ZMYND8: variants seen among roughly 807,000 people sequenced by gnomAD.
ZMYND8 encodes the protein MYND-type zinc finger-containing chromatin reader ZMYND8.
Under a neutral mutation model 140.8 loss-of-function variants are expected in ZMYND8, and 37 were observed. The ratio of observed to expected loss-of-function variants is 0.26; its 90% CI spans 0.20 to 0.35. The LOEUF is 0.35. Ranked by LOEUF, ZMYND8 falls within the 10% of genes least tolerant of loss-of-function variation. The pLI, the probability that ZMYND8 is intolerant of heterozygous loss-of-function variation, is 1.00. For missense variants in ZMYND8, 1,068 were observed against 1,570.0 expected (o/e 0.68, Z 5.40); for synonymous variants, 592 against 597.1 (o/e 0.99, Z 0.12).
chr20:47,210,592 T>G lies in ZMYND8; in HGVS notation c.*169A>C. The G allele has an allele frequency of 1.1e-6, 1 of 938,608 alleles. No individual in the cohort carries two copies. Among genetic ancestry groups the G allele is most frequent in the Non-Finnish European group, 1.7e-6 (1 of 604,608 alleles). The allele number at this position is 938,608 out of a possible 1,614,324, so 58.1% of individuals were successfully genotyped here. ...AACAGTCTGCAGTCAAAGCCGATGC[T>G]GGGTGTCCTGTAGTGTAGCAGCCCC... On this transcript the variant is annotated 3_prime_UTR_variant, in exon 23 of 23. Coordinates refer to ENST00000471951, the MANE Select transcript of ZMYND8 (RefSeq NM_001281775.3).
intron 11 of ZMYND8, among the ~76,000 whole-genome samples, 195 bp downstream of exon 11, chr20:47,276,119 T>C (rs1039210291): frequency 2.0e-5 from 3 of 152,226 alleles, no homozygotes; most frequent in Non-Finnish European, 2.9e-5. Flanking sequence ...AGGTGGCCTT[T>C]TGGGGACACT....
chr20:47,256,574 C>T (rs1033714568), intron 12 of ZMYND8, among the ~76,000 whole-genome samples: 1 of 152,236 alleles, frequency 6.6e-6, no homozygotes, highest in East Asian at 1.9e-4. Context: ...GAGCCGAGAT[C>T]GCGCCACTGC....
chr20:47,250,102 G>A (rs191139749), intron 12 of ZMYND8, among the ~76,000 whole-genome samples: 171 of 152,206 alleles, frequency 1.1e-3, no homozygotes, highest in African/African-American at 2.4e-3. Context: ...AACAGGTCTC[G>A]CTCAAGTAAG....
At chr20:47,252,305 A>G (rs2147373229) in intron 12 of ZMYND8, among the ~76,000 whole-genome samples, 2 of 151,304 alleles carry the variant, frequency 1.3e-5, no homozygotes, top group Admixed American at 1.3e-4. Flanking sequence ...AAAAAAAAAA[A>G]AAAAAAAAAG....
At chr20:47,300,886 G>T (rs997041477) in intron 3 of ZMYND8, among the ~76,000 whole-genome samples, 10 of 20,740 alleles carry the variant, frequency 4.8e-4, no homozygotes, top group South Asian at 3.0e-3. Context: ...AACTAATTTT[G>T]TGTGTGTGTG....
At chr20:47,319,354 C>G (rs981718736) in intron 2 of ZMYND8, 1 of 252,080 alleles carries the variant, frequency 4.0e-6, no homozygotes, top group Admixed American at 5.2e-5. Context: ...TTCTGCTGGC[C>G]GAGGTGACAA....
chr20:47,250,447 T>G (rs889424212), intron 12 of ZMYND8, among the ~76,000 whole-genome samples: 2 of 152,086 alleles, frequency 1.3e-5, no homozygotes, highest in Admixed American at 1.3e-4. Flanking sequence ...TCCCAAAAAA[T>G]AAGTCAGAAA....
intron 2 of ZMYND8, among the ~76,000 whole-genome samples, chr20:47,310,827 C>G (rs2078875223): frequency 6.6e-6 from 1 of 151,338 alleles, no homozygotes; most frequent in Non-Finnish European, 1.5e-5. Context: ...ACCTGCAGGC[C>G]CCTATAGCAC....
intron 10 of ZMYND8, among the ~76,000 whole-genome samples, chr20:47,281,112 G>C (rs948348080): frequency 1.3e-5 from 2 of 152,178 alleles, no homozygotes; most frequent in African/African-American, 4.8e-5. Flanking sequence ...GTATTTCTTT[G>C]AATGAAGGAA....
chr20:47,285,234 C>T (rs1258261439), intron 8 of ZMYND8, among the ~76,000 whole-genome samples: 1 of 152,254 alleles, frequency 6.6e-6, no homozygotes, highest in Non-Finnish European at 1.5e-5. Context: ...TTATTCCTTT[C>T]TACCACTATC....
intron 21 of ZMYND8, among the ~76,000 whole-genome samples, chr20:47,216,673 G>A (rs935775763): frequency 6.6e-6 from 1 of 151,648 alleles, no homozygotes; most frequent in African/African-American, 2.4e-5. Context: ...TGGGTGTGGT[G>A]GTGCACACCT....
Position 47,221,245 on chromosome 20 carries a change from C to G in ZMYND8, c.3417+69G>C, listed in dbSNP as rs1600926446. Reference sequence around the variant, plus strand: ...AACACGGAACTTTCAGGGCGGCAGACAGGGGGTCCTAAGTCCACTTGGCAC... The same window carrying G: ...AACACGGAACTTTCAGGGCGGCAGAGAGGGGGTCCTAAGTCCACTTGGCAC... On this transcript the variant is annotated intron_variant, in intron 20 of 22. Coordinates refer to ENST00000471951, the MANE Select transcript of ZMYND8 (RefSeq NM_001281775.3). 1.9e-6 allele frequency: 3 copies of G among 1,578,680 alleles called. No homozygotes were observed. In the East Asian group the frequency reaches 6.7e-5, roughly 35 times the overall value.
chr20:47,304,014 C>G (rs2078287205), intron 3 of ZMYND8, among the ~76,000 whole-genome samples: 1 of 152,100 alleles, frequency 6.6e-6, no homozygotes, highest in East Asian at 1.9e-4. Flanking sequence ...GTAAGTGTTT[C>G]CTGTTCCATA....
chr20:47,213,124 C>T (rs769879850), intron 21 of ZMYND8, among the ~76,000 whole-genome samples: 11 of 152,018 alleles, frequency 7.2e-5, no homozygotes, highest in Non-Finnish European at 1.6e-4. Flanking sequence ...CAATTTAAGG[C>T]AATAACTCAT....
At chr20:47,316,044 G>T (rs2079365488) in intron 2 of ZMYND8, among the ~76,000 whole-genome samples, 1 of 152,166 alleles carries the variant, frequency 6.6e-6, no homozygotes, top group Non-Finnish European at 1.5e-5. Flanking sequence ...TTAAGAACCA[G>T]GCATGAGGCC....
chr20:47,268,535 C>T (rs1021283882), intron 11 of ZMYND8, among the ~76,000 whole-genome samples: 3 of 151,414 alleles, frequency 2.0e-5, no homozygotes, highest in African/African-American at 4.8e-5. Context: ...CCTCGTGATC[C>T]GCCCGCCTCG....
chr20:47,341,028 T>C (rs2081831263), intron 2 of ZMYND8, among the ~76,000 whole-genome samples: 1 of 152,006 alleles, frequency 6.6e-6, no homozygotes, highest in Non-Finnish European at 1.5e-5. Flanking sequence ...TACCAGAAAA[T>C]AGTAAACAAA....
At chr20:47,356,302 G>A in intron 1 of ZMYND8, 2 of 1,303,532 alleles carry the variant, frequency 1.5e-6, no homozygotes, top group Non-Finnish European at 1.0e-6. Context: ...CTCAGAGAGA[G>A]AGAGAGGGGA....
At chr20:47,229,693 T>C (rs1425902900) in intron 17 of ZMYND8, 33 bp downstream of exon 17, 2 of 1,602,208 alleles carry the variant, frequency 1.2e-6, no homozygotes, top group Non-Finnish European at 1.7e-6. Context: ...AAAACACTCT[T>C]AGCAAATAAG....
Sources: allele counts gnomAD v4.1 joint callset (sites outside exome capture counted in the v4.1 genomes callset), GRCh38; gene constraint gnomAD v4.1.1; transcripts MANE v1.5; gene names NCBI Gene and HGNC (gene_info 2026-07-23, HGNC 2026-07-21).